PPP2R1B: variants seen among roughly 807,000 people sequenced by gnomAD.
PPP2R1B encodes serine/threonine-protein phosphatase 2A 65 kDa regulatory subunit A beta isoform.
PPP2R1B carries 58 observed loss-of-function variants against 72.7 expected under a neutral mutation model. The ratio of observed to expected loss-of-function variants is 0.80; its 90% confidence interval spans 0.65 to 0.99. PPP2R1B has a LOEUF of 0.99. Among genes scored for constraint, PPP2R1B ranks in the 50% least tolerant of loss-of-function variants. The pLI is 0.00. For synonymous variants in PPP2R1B, 256 were observed against 264.6 expected, an observed-to-expected ratio of 0.97 and a Z score of 0.32; for missense variants, 695 against 733.6, an observed-to-expected ratio of 0.95 and a Z score of 0.61.
At chr11:111,755,203 T>G in intron 6 of PPP2R1B, 92 bp downstream of exon 6, 1 of 1,536,146 alleles carries the variant, frequency 6.5e-7, no homozygotes, top group Non-Finnish European at 8.8e-7. Context: ...GCACTTCCCA[T>G]TGAAAAGAAT....
At chr11:111,736,249 C>T (rs1479263787), downstream of PPP2R1B, among the ~76,000 whole-genome samples, 1 of 152,182 alleles carries the variant, frequency 6.6e-6, no homozygotes, top group Non-Finnish European at 1.5e-5. Context: ...CCTCGGCTAG[C>T]AGAGGCAGCC....
chr11:111,756,360 T>C (rs1377257510), intron 5 of PPP2R1B, among the ~76,000 whole-genome samples: 16 of 151,132 alleles, frequency 1.1e-4, no homozygotes, highest in African/African-American at 3.6e-4. Context: ...ATAAAGGAAA[T>C]GAAAATTTTA....
chr11:111,724,066 C>A (rs1036110368), downstream of PPP2R1B: 1 of 1,613,992 alleles, frequency 6.2e-7, no homozygotes. Flanking sequence ...TACCTGGACT[C>A]TTTGATTGTG....
the PPP2R1B span, among the ~76,000 whole-genome samples, chr11:111,693,108 C>T: frequency 7.2e-5 from 11 of 151,990 alleles, no homozygotes; most frequent in East Asian, 5.8e-4. Context: ...CCAAGGTGGG[C>T]GGATCACGAG....
chr11:111,733,424 G>A (rs1944253053), downstream of PPP2R1B, among the ~76,000 whole-genome samples: 1 of 152,160 alleles, frequency 6.6e-6, no homozygotes, highest in Non-Finnish European at 1.5e-5. Context: ...CTCAGAAAAT[G>A]TGGGCCCAGA....
the PPP2R1B span, chr11:111,721,892 G>A: frequency 6.2e-7 from 1 of 1,612,204 alleles, no homozygotes. Context: ...ATCCCCAGCT[G>A]TCCCCACGGC....
At chr11:111,734,802 C>A (rs1260493879), downstream of PPP2R1B, among the ~76,000 whole-genome samples, 1 of 152,228 alleles carries the variant, frequency 6.6e-6, no homozygotes, top group East Asian at 1.9e-4. Context: ...CAGCAGAGCT[C>A]CTCAGAGCTG....
At chr11:111,713,860 G>A in the PPP2R1B span, among the ~76,000 whole-genome samples, 5 of 152,206 alleles carry the variant, frequency 3.3e-5, no homozygotes, top group East Asian at 1.9e-4. Flanking sequence ...CCAGCTACTC[G>A]GGAGGCTGAG....
At chr11:111,699,050 G>A in the PPP2R1B span, among the ~76,000 whole-genome samples, 13 of 152,176 alleles carry the variant, frequency 8.5e-5, no homozygotes, top group African/African-American at 3.1e-4. Flanking sequence ...GTGTCCATAT[G>A]AGATATGATG....
Position 111,755,456 on chromosome 11 carries a change from G to C in PPP2R1B, c.688-6C>G. 6.3e-7 allele frequency: 1 copy of C among 1,593,718 alleles called. No individual in the cohort carries two copies. Among genetic ancestry groups the C allele is most frequent in the Non-Finnish European group, 8.5e-7 (1 of 1,174,110 alleles). On this transcript the variant is annotated splice_region_variant and splice_polypyrimidine_tract_variant and intron_variant, in intron 5 of 14. Transcript: ENST00000527614. ...GCAAGGAGGCGCACTGAATCCTAAA[G>C]GAACAAAATTTCTGTAATTCAGACA...
At position 111,761,057 on chromosome 11, in the gene PPP2R1B, T is replaced by TA; in HGVS notation, c.307-7_307-6insT. 2 of 1,612,162 alleles carry TA rather than the reference T, an allele frequency of 1.2e-6. No individual in the cohort carries two copies. The highest frequency in any genetic ancestry group is 1.7e-6 in the Non-Finnish European group (2 of 1,178,636). ...GCCAGATTTTCCAAAGGAGGCTGAA[T>TA]GGATTAAAAAGGAAAACCAGAGAAG... On this transcript the variant is annotated splice_polypyrimidine_tract_variant and splice_region_variant and intron_variant, in intron 3 of 14. Coordinates refer to ENST00000527614, the MANE Select transcript of PPP2R1B (RefSeq NM_002716.5).
the PPP2R1B span, chr11:111,704,893 C>A: frequency 2.2e-6 from 3 of 1,388,022 alleles, no homozygotes; most frequent in Non-Finnish European, 2.9e-6. Context: ...TTTTTAAGAG[C>A]ACACAATTTC....
In PPP2R1B at chr11:111,739,055, C is replaced by T. The variant is rs1173890417; in HGVS notation, c.*2541G>A. On this transcript the variant is annotated 3_prime_UTR_variant, in exon 15 of 15. Coordinates refer to ENST00000527614, the MANE Select transcript of PPP2R1B (RefSeq NM_002716.5). ...TCTAAGCCAGGGGACCAGAAAAGGG[C>T]CACATAAAGCTTGTTTCCTGAAAGC... The T allele has an allele frequency of 1.0e-6, 1 of 985,228 alleles. No individual in the cohort carries two copies. Among genetic ancestry groups the T allele is most frequent in the African/African-American group, 1.7e-5 (1 of 57,202 alleles). The allele number at this position is 985,228 out of a possible 1,614,324, so 61.0% of individuals were successfully genotyped here.
the PPP2R1B span, among the ~76,000 whole-genome samples, chr11:111,712,766 T>C: frequency 6.6e-6 from 1 of 152,216 alleles, no homozygotes; most frequent in Non-Finnish European, 1.5e-5. Context: ...CTTTATTTGA[T>C]TACTATTGCT....
the PPP2R1B span, chr11:111,704,891 A>T: frequency 7.2e-7 from 1 of 1,386,266 alleles, no homozygotes; most frequent in Non-Finnish European, 9.7e-7. Flanking sequence ...TATTTTTAAG[A>T]GCACACAATT....
In PPP2R1B at chr11:111,752,262, A is replaced by T; in HGVS notation, c.1235T>A (p.Leu412His). 6.2e-7 allele frequency: 1 copy of T among 1,614,130 alleles called. No individual in the cohort carries two copies. The highest frequency in any genetic ancestry group is 1.1e-5 in the South Asian group (1 of 91,076). The change falls in exon 10 of 15, where the codon CTC becomes CAC. Residue 412 changes from leucine to histidine, a missense_variant. Physicochemically the swap from Leu to His is moderately conservative, Grantham distance 99. Coordinates refer to ENST00000527614, the MANE Select transcript of PPP2R1B (RefSeq NM_002716.5). ...CVNEVIGIRQ[L>H]SQSLLPAIVE... ...TATGGCAGGAAGGAGAGACTGAGAG[A>T]GCTGACGGATTCCAATCACTTCATT...
chr11:111,692,350 CAAAAAAAAAAAAAAAAAAAAAAAAA>C, the PPP2R1B span, among the ~76,000 whole-genome samples: 1,324 of 26,516 alleles, frequency 0.05, 39 homozygotes, highest in African/African-American at 0.054. Context: ...GACTCAGTCT[CAAAAAAAAAAAAAAAAAAAAAAAAA>C]AAAAAAAAAA....
rs193029893 is a variant in PPP2R1B at position 111,764,690 on chromosome 11, A to C, written c.306+115T>G. The C allele has an allele frequency of 1.2e-5, 12 of 999,462 alleles. No homozygotes were observed. The Admixed American group carries it at 2.7e-4, about 22-fold the overall frequency. The allele number at this position is 999,462 out of a possible 1,614,324, so 61.9% of individuals were successfully genotyped here. On this transcript the variant is annotated intron_variant, in intron 3 of 14. Transcript: ENST00000527614. ...TCTCTCAATGACTAACATTATGACT[A>C]TCTGCCCATAAAAAGATCTGCATAA...
At chr11:111,765,486 G>T in intron 1 of PPP2R1B, 102 bp from the exon 2 acceptor site, 1 of 904,944 alleles carries the variant, frequency 1.1e-6, no homozygotes, top group Non-Finnish European at 1.7e-6. Context: ...ACAGGGGTAA[G>T]AATGAAGATA....
Sources: gnomAD v4.1 joint callset for allele counts (sites outside exome capture counted in the v4.1 genomes callset) on GRCh38, gnomAD v4.1.1 for gene constraint, MANE v1.5 for transcripts, NCBI Gene and HGNC (gene_info 2026-07-23, HGNC 2026-07-21) for gene names.